The following TMEM117 variants were observed in gnomAD, a reference collection of about 807,000 sequenced individuals.
The protein encoded by TMEM117 is transmembrane protein 117.
In TMEM117, 27 loss-of-function variants were observed where a neutral mutation model predicts 52.4. The observed-to-expected ratio is 0.51, with a 90% CI of 0.38 to 0.71. The LOEUF (loss-of-function observed/expected upper bound fraction) is 0.71, where lower values mean the gene tolerates loss of function less well. Ranked by LOEUF, TMEM117 falls within the 30% of genes least tolerant of loss-of-function variation. The pLI is 0.00. For missense variants in TMEM117, 556 were observed against 630.5 expected (o/e 0.88, Z 1.26); for synonymous variants, 215 against 206.3 (o/e 1.04, Z -0.36).
the TMEM117 span, among the ~76,000 whole-genome samples, chr12:43,807,925 T>C: frequency 1.7e-3 from 254 of 152,352 alleles, 1 homozygote; most frequent in African/African-American, 5.9e-3. Context: ...TACCTTAGAT[T>C]TGTATGGTAG....
intron 6 of TMEM117, among the ~76,000 whole-genome samples, chr12:44,337,604 C>A (rs914820808): frequency 8.6e-5 from 13 of 151,898 alleles, no homozygotes; most frequent in African/African-American, 2.9e-4. Flanking sequence ...GACAATCTGA[C>A]TCCATATTTG....
chr12:44,210,205 G>A (rs894387674), intron 4 of TMEM117, among the ~76,000 whole-genome samples: 1 of 152,014 alleles, frequency 6.6e-6, no homozygotes, highest in Admixed American at 6.6e-5. Context: ...GTAATGGAAT[G>A]GTGTTCTCTT....
At chr12:43,797,664 T>C in the TMEM117 span, 1 of 1,595,462 alleles carries the variant, frequency 6.3e-7, no homozygotes, top group Non-Finnish European at 8.5e-7. Flanking sequence ...AGTCATAAAC[T>C]ACCAAAAAGA....
At chr12:44,211,568 G>T (rs1479973198) in intron 5 of TMEM117, among the ~76,000 whole-genome samples, 181 bp downstream of exon 5, 2 of 152,046 alleles carry the variant, frequency 1.3e-5, no homozygotes, top group African/African-American at 4.8e-5. Context: ...TACATATTGT[G>T]TATATTCACA....
rs1320424148 is a variant in TMEM117 at position 44,388,407 on chromosome 12, A to G, written c.1280A>G (p.Gln427Arg). 1 of 1,613,484 alleles carries G rather than the reference A, an allele frequency of 6.2e-7. No individual in the cohort carries two copies. Among genetic ancestry groups the G allele is most frequent in the Non-Finnish European group, 8.5e-7 (1 of 1,179,680 alleles). The change falls in exon 8 of 8, where the codon CAA (glutamine) becomes CGA (arginine). Residue 427 changes from glutamine (Q) to arginine (R), a missense_variant. Coordinates refer to ENST00000266534, the MANE Select transcript of TMEM117 (RefSeq NM_032256.3). Reference protein sequence around the residue: ...FLKNEPRMENQDKTYTRMKRK... With the variant: ...FLKNEPRMENRDKTYTRMKRK... ...AAAAATGAGCCACGCATGGAGAATC[A>G]AGACAAAACTTACACTCGCATGAAA...
In TMEM117 at chr12:43,986,216, A is replaced by G. The variant is rs536917067; in HGVS notation, c.410+41874A>G. On this transcript the variant is annotated intron_variant, in intron 3 of 7. Coordinates refer to ENST00000266534, the MANE Select transcript of TMEM117 (RefSeq NM_032256.3). Reference sequence around the variant, plus strand: ...AATGTAAATTGTTAATGTTAAAATGATAGAGGTTAAAAAAATCAACTGATT... The same window carrying G: ...AATGTAAATTGTTAATGTTAAAATGGTAGAGGTTAAAAAAATCAACTGATT... Among the ~76,000 whole-genome samples the G allele has an allele frequency of 7.2e-5, 11 of 152,336 alleles. No homozygotes were observed. In the South Asian group the frequency reaches 2.1e-3, roughly 29 times the overall value.
At chr12:44,351,086 G>C (rs1449162519) in intron 6 of TMEM117, among the ~76,000 whole-genome samples, 1 of 152,002 alleles carries the variant, frequency 6.6e-6, no homozygotes, top group Non-Finnish European at 1.5e-5. Flanking sequence ...ATATCTCATT[G>C]TAATTTTGAT....
intron 2 of TMEM117, among the ~76,000 whole-genome samples, chr12:43,930,084 T>A (rs1449631758): frequency 6.6e-6 from 1 of 152,206 alleles, no homozygotes; most frequent in Non-Finnish European, 1.5e-5. Context: ...TTTGGTTTGA[T>A]CTGTTTCTGA....
At chr12:44,043,104 G>A (rs1946827771) in intron 3 of TMEM117, among the ~76,000 whole-genome samples, 1 of 152,162 alleles carries the variant, frequency 6.6e-6, no homozygotes, top group Non-Finnish European at 1.5e-5. Flanking sequence ...TTGACCGTAT[G>A]TGGAGAACCA....
At chr12:44,126,981 A>G (rs1298783051) in intron 3 of TMEM117, among the ~76,000 whole-genome samples, 1 of 152,248 alleles carries the variant, frequency 6.6e-6, no homozygotes, top group Non-Finnish European at 1.5e-5. Flanking sequence ...ACTCATGGAA[A>G]CTGAGTTAAA....
At chr12:43,861,496 C>T (rs1465274955) in intron 2 of TMEM117, among the ~76,000 whole-genome samples, 1 of 152,166 alleles carries the variant, frequency 6.6e-6, no homozygotes. Flanking sequence ...ATTTTGTAAA[C>T]ACAAGTGCTT....
chr12:44,311,498 C>G (rs1485032376), intron 6 of TMEM117, among the ~76,000 whole-genome samples: 9 of 150,546 alleles, frequency 6.0e-5, no homozygotes, highest in Non-Finnish European at 3.0e-5. Context: ...TAGATGCAAA[C>G]TGGAGAAGCT....
chr12:43,888,550 T>C (rs1592335685), intron 2 of TMEM117, among the ~76,000 whole-genome samples: 2 of 144,604 alleles, frequency 1.4e-5, no homozygotes, highest in African/African-American at 2.6e-5. Context: ...TTTCTTTTTT[T>C]TTTTTTTTTT....
chr12:44,040,928 T>A (rs1946787411), intron 3 of TMEM117, among the ~76,000 whole-genome samples: 1 of 152,202 alleles, frequency 6.6e-6, no homozygotes. Context: ...AGTTTGTGGC[T>A]TGCTTAATAA....
intron 3 of TMEM117, among the ~76,000 whole-genome samples, chr12:44,134,859 G>A (rs536358514): frequency 1.3e-5 from 2 of 152,030 alleles, no homozygotes; most frequent in East Asian, 1.9e-4. Flanking sequence ...CAAAGATAAG[G>A]TAGGGAACAG....
intron 3 of TMEM117, among the ~76,000 whole-genome samples, chr12:43,970,881 T>C (rs1945573068): frequency 1.3e-5 from 2 of 151,960 alleles, no homozygotes; most frequent in African/African-American, 2.4e-5. Flanking sequence ...GATTCTAAAA[T>C]ATGTATGTCT....
At position 44,264,525 on chromosome 12, in the gene TMEM117, A is replaced by G. The variant is rs147530103; in HGVS notation, c.609-35055A>G. On this transcript the variant is annotated intron_variant, in intron 5 of 7. Transcript: ENST00000266534. ...ACTCACAGATCCCTCAGATAAGAAG[A>G]ATGTTGATGGGAAGCTCTTAGGGAA... 2.4e-3 allele frequency among the ~76,000 whole-genome samples: 364 copies of G among 152,242 alleles called. 12 individuals are homozygous for G. The East Asian group carries it at 0.035, about 15-fold the overall frequency.
intron 2 of TMEM117, among the ~76,000 whole-genome samples, chr12:43,864,732 C>T (rs1270102465): frequency 6.6e-6 from 1 of 152,156 alleles, no homozygotes; most frequent in Non-Finnish European, 1.5e-5. Context: ...GTAAAATGGA[C>T]CAATCAGCAG....
intron 6 of TMEM117, among the ~76,000 whole-genome samples, chr12:44,325,289 A>G (rs1951180616): frequency 6.6e-6 from 1 of 152,174 alleles, no homozygotes; most frequent in East Asian, 1.9e-4. Context: ...TCTACAGTGA[A>G]AACTATGAAT....
Sources: gnomAD v4.1 joint callset for allele counts (sites outside exome capture counted in the v4.1 genomes callset) on GRCh38, gnomAD v4.1.1 for gene constraint, MANE v1.5 for transcripts, NCBI Gene and HGNC (gene_info 2026-07-23, HGNC 2026-07-21) for gene names.